The following LDB1 variants were observed in gnomAD, a reference collection of about 807,000 sequenced individuals.
The protein encoded by LDB1 is LIM domain binding 1, also known as LIM domain-binding protein 1.
In LDB1, 6 loss-of-function variants were observed where a neutral mutation model predicts 49.7. The observed-to-expected ratio is 0.12, with a 90% CI of 0.07 to 0.24. The LOEUF (loss-of-function observed/expected upper bound fraction) is 0.24. Ranked by LOEUF, LDB1 falls within the 10% of genes least tolerant of loss-of-function variation. The pLI is 1.00. For synonymous variants in LDB1, 233 were observed against 202.0 expected (o/e 1.15, Z -1.30); for missense variants, 341 against 561.7 (o/e 0.61, Z 3.97).
At chr10:102,105,512 CAA>C (rs1386299141), downstream of LDB1, among the ~76,000 whole-genome samples, 1 of 151,998 alleles carries the variant, frequency 6.6e-6, no homozygotes, top group Non-Finnish European at 1.5e-5. Flanking sequence ...CCTGGGATGA[CAA>C]AGAGGGACAC....
At chr10:102,112,068 C>T (rs553489042) in intron 1 of LDB1, among the ~76,000 whole-genome samples, 127 of 152,234 alleles carry the variant, frequency 8.3e-4, no homozygotes, top group Non-Finnish European at 1.4e-3. Flanking sequence ...CTAATCCCAG[C>T]GCATACCCAA....
At position 102,108,206 on chromosome 10, in the gene LDB1, C is replaced by T. The variant is rs531176307; in HGVS notation, c.1123G>A (p.Glu375Lys). 4 of 1,614,066 alleles carry T rather than the reference C, an allele frequency of 2.5e-6. No homozygotes were observed. The highest frequency in any genetic ancestry group is 3.3e-5 in the Admixed American group (2 of 60,018). ...GCAGGGGAGTTGTTAAAGCTGTCCT[C>T]GTCGTCAATGCCGTTGGCTGCGTCA... ...QFDAANGIDD[E>K]DSFNNSPALG... The change falls in exon 11 of 11, where the codon GAG (glutamate) becomes AAG (lysine). Residue 375 changes from glutamate to lysine, a missense_variant. By Grantham distance (56) the Glu-to-Lys change is moderately conservative. Coordinates refer to ENST00000673968, the MANE Select transcript of LDB1 (RefSeq NM_001113407.3).
rs1385205763 is a variant in LDB1 at position 102,108,104 on chromosome 10, C to G, written c.1225G>C (p.Ala409Pro). The G allele has an allele frequency of 3.1e-6, 5 of 1,613,776 alleles. No individual in the cohort carries two copies. ...CACAGCAGGGCCTTTTACTGGGAGGCCTGTGACGTGGGGTTCTCCGATTTG... is the reference window on the plus strand; with the variant it reads ...CACAGCAGGGCCTTTTACTGGGAGGGCTGTGACGTGGGGTTCTCCGATTTG... The part of the protein sequence containing the change: ...ESKSENPTSQ[A>P]SQ Residue 409 changes from alanine (A) to proline (P), a missense_variant, in exon 11 of 11, where the codon GCC becomes CCC. Physicochemically the swap from Ala to Pro is conservative, Grantham distance 27 (BLOSUM62 -1). This residue lies in a region of LDB1 where 46 missense variants were observed against 62.9 expected (regional missense o/e 0.73). Coordinates refer to ENST00000673968, the MANE Select transcript of LDB1 (RefSeq NM_001113407.3).
At position 102,120,160 on chromosome 10, in the gene LDB1, C is replaced by T; in HGVS notation, c.-50G>A. 2 of 1,244,620 alleles carry T rather than the reference C, an allele frequency of 1.6e-6. No homozygotes were observed. The allele number at this position is 1,244,620 out of a possible 1,614,324, so 77.1% of individuals were successfully genotyped here. A position where few individuals can be genotyped will look rare whatever the true frequency, so the allele number is the denominator to read the frequency against. ...CCCAGCCGAGTCACGGTGCCCGCCCCTCGCGGGGACAGGCCGGGCATGAGC... is the reference window on the plus strand; with the variant it reads ...CCCAGCCGAGTCACGGTGCCCGCCCTTCGCGGGGACAGGCCGGGCATGAGC... On this transcript the variant is annotated 5_prime_UTR_variant, in exon 1 of 11. Transcript: ENST00000673968.
In LDB1 at chr10:102,111,503, G is replaced by A. The variant is rs1019837144; in HGVS notation, c.59C>T (p.Pro20Leu). 1.3e-6 allele frequency: 2 copies of A among 1,551,210 alleles called. No individual in the cohort carries two copies. Among genetic ancestry groups the A allele is most frequent in the Non-Finnish European group, 1.7e-6 (2 of 1,149,160 alleles). ...CSSKSFKLYS[P>L]KEPPNGNAFP... is the part of the protein sequence containing the mutation. The stretch of plus-strand genomic sequence containing the variant: ...GGCGTTGCCGTTCGGGGGCTCCTTC[G>A]GCGAGTACAGCTTGAATGACTTTGA... The change falls in exon 2 of 11, where the codon CCG (proline) becomes CTG (leucine). Residue 20 changes from proline (P) to leucine (L), a missense_variant. Transcript: ENST00000673968.
At chr10:102,114,673 G>T (rs1012273979) in intron 1 of LDB1, 1 of 829,178 alleles carries the variant, frequency 1.2e-6, no homozygotes, top group Non-Finnish European at 1.5e-6. Flanking sequence ...GGCCTGGGGG[G>T]CGGGGGGCCG....
chr10:102,111,361 GGC>G, intron 2 of LDB1, 61 bp from the exon 3 acceptor site: 1 of 1,597,376 alleles, frequency 6.3e-7, no homozygotes, highest in Non-Finnish European at 8.6e-7. Flanking sequence ...GGGGGCAGGG[GGC>G]TACTCCCTCC....
Position 102,108,186 on chromosome 10 carries a change from G to C in LDB1, c.1143C>G (p.Ser381=). Residue 381 remains serine (S), a synonymous_variant, in exon 11 of 11, where the codon TCC becomes TCG. Transcript: ENST00000673968. ...AGGGGCTGTTGGCGCCCAGTGCAGG[G>C]GAGTTGTTAAAGCTGTCCTCGTCGT... ...GIDDEDSFNN[S]PALGANSPWN... is the part of the protein sequence containing the mutation. The C allele has an allele frequency of 1.2e-6, 2 of 1,614,076 alleles. No individual in the cohort carries two copies. Among genetic ancestry groups the C allele is most frequent in the South Asian group, 1.1e-5 (1 of 91,082 alleles).
chr10:102,107,500 T>G lies in LDB1; in HGVS notation c.*593A>C, dbSNP rs1367272727. On this transcript the variant is annotated 3_prime_UTR_variant, in exon 11 of 11. Coordinates refer to ENST00000673968, the MANE Select transcript of LDB1 (RefSeq NM_001113407.3). ...CCCACCTAGGCCCTAGGCCCCCATC[T>G]GCCAAGAGTAGGGAGGTAGCTGGAC... 6.5e-6 allele frequency: 1 copy of G among 152,880 alleles called. No homozygotes were observed. The highest frequency in any genetic ancestry group is 1.5e-5 in the Non-Finnish European group (1 of 68,572). The allele number at this position is 152,880 out of a possible 1,614,324, so 9.5% of individuals were successfully genotyped here.
chr10:102,110,511 T>C lies in LDB1; in HGVS notation c.525+18A>G. 1 of 1,603,086 alleles carries C rather than the reference T, an allele frequency of 6.2e-7. No homozygotes were observed. The highest frequency in any genetic ancestry group is 8.5e-7 in the Non-Finnish European group (1 of 1,174,332). ...AACCCAGGTGCCATGGTGTTCCACA[T>C]CCAGCTGGGTTGCTGACCTGGGTGA... is the stretch of plus-strand genomic sequence containing the variant. On this transcript the variant is annotated intron_variant, in intron 6 of 10. Coordinates refer to ENST00000673968, the MANE Select transcript of LDB1 (RefSeq NM_001113407.3).
At chr10:102,112,892 G>GA (rs34771869) in intron 1 of LDB1, among the ~76,000 whole-genome samples, 1 of 152,094 alleles carries the variant, frequency 6.6e-6, no homozygotes, top group Admixed American at 6.6e-5. Flanking sequence ...TTTCTGACTG[G>GA]AAAAAGTGTT....
chr10:102,109,788 T>C lies in LDB1; in HGVS notation c.649-105A>G. On this transcript the variant is annotated intron_variant, in intron 7 of 10. Transcript: ENST00000673968. This position sits in a 1 kb window ranked among gnomAD's most constrained non-coding sequence, Gnocchi z 5.8. ...GACACTCCTGAGAGAGGATAGTCTC[T>C]TATTAAACCTGCTGTTCAGATGAAG... The C allele has an allele frequency of 4.5e-6, 7 of 1,548,440 alleles. No homozygotes were observed. The highest frequency in any genetic ancestry group is 6.2e-6 in the Non-Finnish European group (7 of 1,125,308).
downstream of LDB1, among the ~76,000 whole-genome samples, chr10:102,104,877 C>T (rs1055308840): frequency 5.3e-5 from 8 of 152,210 alleles, no homozygotes; most frequent in Non-Finnish European, 1.2e-4. Flanking sequence ...ATAGCCTTCA[C>T]TCACACTCAG....
chr10:102,102,124 C>T (rs1463963905), downstream of LDB1, among the ~76,000 whole-genome samples: 1 of 152,098 alleles, frequency 6.6e-6, no homozygotes, highest in Non-Finnish European at 1.5e-5. Context: ...AGGGTTTCAC[C>T]ATGTTGGCCA....
At chr10:102,120,927 T>G (rs1276511479), upstream of LDB1, among the ~76,000 whole-genome samples, 2 of 149,736 alleles carry the variant, frequency 1.3e-5, no homozygotes, top group African/African-American at 5.1e-5. Context: ...GACGCCAGCC[T>G]TCTTCTGGAG....
downstream of LDB1, among the ~76,000 whole-genome samples, chr10:102,106,407 T>C (rs2068160125): frequency 1.3e-5 from 2 of 151,566 alleles, no homozygotes; most frequent in Admixed American, 6.6e-5. Flanking sequence ...ATCCAATTCA[T>C]AGTCTTAGGA....
chr10:102,120,067 G>T lies in LDB1; in HGVS notation c.25+19C>A. ...ACGGCTGGGCAGGAAGGGGCCGAGT[G>T]GCCGCACGCCCCACTCACCAGGACA... is the stretch of plus-strand genomic sequence containing the variant. On this transcript the variant is annotated intron_variant, in intron 1 of 10. Transcript: ENST00000673968. 1 of 1,438,396 alleles carries T rather than the reference G, an allele frequency of 7.0e-7. No homozygotes were observed. The allele number at this position is 1,438,396 out of a possible 1,614,324, so 89.1% of individuals were successfully genotyped here.
rs1205970293 is a variant in LDB1 at position 102,110,100 on chromosome 10, T to C, written c.526-57A>G. 4 of 1,564,014 alleles carry C rather than the reference T, an allele frequency of 2.6e-6. No individual in the cohort carries two copies. In the South Asian group the frequency reaches 3.4e-5, roughly 13 times the overall value. ...TCCCCACATACCATACCTGAAGGTA[T>C]GTCTATTACAGTCTCCCATTTGCTT... On this transcript the variant is annotated intron_variant, in intron 6 of 10. Transcript: ENST00000673968.
At chr10:102,120,794 A>G (rs999428229), upstream of LDB1, among the ~76,000 whole-genome samples, 3 of 151,842 alleles carry the variant, frequency 2.0e-5, no homozygotes, top group Non-Finnish European at 2.9e-5. Context: ...GCTGAGCCGG[A>G]GCGGGAGCCG....
Sources: allele counts gnomAD v4.1 joint callset (sites outside exome capture counted in the v4.1 genomes callset), GRCh38; gene constraint gnomAD v4.1.1; regional missense constraint gnomAD v4.1.1; non-coding constraint Gnocchi (gnomAD v3.1); transcripts MANE v1.5; gene names NCBI Gene and HGNC (gene_info 2026-07-23, HGNC 2026-07-21).